The following SNX24 variants were observed in gnomAD, a reference collection of about 807,000 sequenced individuals.
SNX24 encodes the protein sorting nexin 24, also known as sorting nexin-24.
Under a neutral mutation model 28.7 loss-of-function variants are expected in SNX24, and 22 were observed. The observed-to-expected ratio is 0.77, with a 90% CI of 0.55 to 1.10. SNX24 has a LOEUF of 1.10. Ranked by LOEUF, SNX24 falls within the 50% of genes least tolerant of loss-of-function variation. The probability of loss-of-function intolerance (pLI) is 0.00; values close to 1 mark genes in which losing one functional copy is unlikely to be tolerated. For missense variants in SNX24, 221 were observed against 201.1 expected (o/e 1.10, Z -0.60); for synonymous variants, 69 against 71.5 (o/e 0.96, Z 0.18).
At chr5:122,848,353 C>G (rs1466293727) in intron 1 of SNX24, among the ~76,000 whole-genome samples, 1 of 152,268 alleles carries the variant, frequency 6.6e-6, no homozygotes, top group South Asian at 2.1e-4. Context: ...ACCTTGACCT[C>G]CCAAAGTGCT....
At chr5:122,878,411 G>C (rs1288980483) in intron 1 of SNX24, among the ~76,000 whole-genome samples, 1 of 152,162 alleles carries the variant, frequency 6.6e-6, no homozygotes, top group Non-Finnish European at 1.5e-5. Flanking sequence ...CCTGCCAGAT[G>C]CTTTGACTAT....
intron 1 of SNX24, among the ~76,000 whole-genome samples, chr5:122,865,308 T>C (rs2150046612): frequency 6.7e-6 from 1 of 148,854 alleles, no homozygotes; most frequent in East Asian, 2.0e-4. Flanking sequence ...GATTTGTTTG[T>C]TTGCTTGCTT....
intron 5 of SNX24, chr5:123,022,471 GT>G (rs35906519): frequency 0.038 from 5,452 of 142,898 alleles, 120 homozygotes; most frequent in East Asian, 0.056. Context: ...TTTCCCATTA[GT>G]TTTTTTTTTT....
chr5:122,982,469 A>G (rs1377642806), intron 3 of SNX24, among the ~76,000 whole-genome samples: 2 of 152,268 alleles, frequency 1.3e-5, no homozygotes, highest in Non-Finnish European at 2.9e-5. Flanking sequence ...ACTGATATAA[A>G]AAGCATTTTT....
chr5:122,969,365 AAC>A (rs1296648802), intron 3 of SNX24, among the ~76,000 whole-genome samples: 1 of 152,190 alleles, frequency 6.6e-6, no homozygotes, highest in Non-Finnish European at 1.5e-5. Flanking sequence ...AAGAAAGTCT[AAC>A]ACTTTCTAAA....
intron 3 of SNX24, among the ~76,000 whole-genome samples, chr5:122,970,359 G>T (rs1760906343): frequency 1.3e-5 from 2 of 151,900 alleles, no homozygotes; most frequent in Admixed American, 1.3e-4. Context: ...TGCTTGTGGG[G>T]TATATATCTC....
At chr5:122,868,271 A>G (rs956755336) in intron 1 of SNX24, among the ~76,000 whole-genome samples, 7 of 152,052 alleles carry the variant, frequency 4.6e-5, no homozygotes, top group Non-Finnish European at 8.8e-5. Context: ...TTTCCATTTG[A>G]TGATGGAGTG....
chr5:122,925,127 C>A (rs1183076499), intron 1 of SNX24, among the ~76,000 whole-genome samples: 1 of 135,006 alleles, frequency 7.4e-6, no homozygotes, highest in Non-Finnish European at 1.6e-5. Flanking sequence ...CTTTCCTCCC[C>A]CTTCTCCATT....
chr5:122,994,627 C>T (rs1761985989), intron 3 of SNX24, among the ~76,000 whole-genome samples: 1 of 152,124 alleles, frequency 6.6e-6, no homozygotes, highest in Admixed American at 6.5e-5. Context: ...TGTACCTTTT[C>T]AATAAAAAGA....
At position 122,856,943 on chromosome 5, in the gene SNX24, T is replaced by C. The variant is rs909085604; in HGVS notation, c.60+11250T>C. On this transcript the variant is annotated intron_variant, in intron 1 of 6. Transcript: ENST00000261369. ...TCTCCTCAGTATCTTTCCTTCATGG[T>C]TGACTTTTTAATAATAGCCATTCTG... 7.2e-5 allele frequency among the ~76,000 whole-genome samples: 11 copies of C among 152,196 alleles called. No individual in the cohort carries two copies. The East Asian group carries it at 7.7e-4, about 11-fold the overall frequency.
chr5:122,990,232 G>A (rs1166802098), intron 3 of SNX24, among the ~76,000 whole-genome samples: 1 of 152,152 alleles, frequency 6.6e-6, no homozygotes, highest in Non-Finnish European at 1.5e-5. Flanking sequence ...GCACTTTGAA[G>A]TTTGCTCATT....
chr5:122,874,488 T>A (rs1756135917), intron 1 of SNX24, among the ~76,000 whole-genome samples: 1 of 152,220 alleles, frequency 6.6e-6, no homozygotes, highest in South Asian at 2.1e-4. Flanking sequence ...TTGTCTAACA[T>A]ATTGGCTAAC....
chr5:122,859,220 T>G (rs1755341403), intron 1 of SNX24, among the ~76,000 whole-genome samples: 1 of 152,210 alleles, frequency 6.6e-6, no homozygotes, highest in Non-Finnish European at 1.5e-5. Context: ...GCTCATGCCT[T>G]CAGTCTCGGG....
At chr5:122,892,859 C>T (rs1757032923) in intron 1 of SNX24, among the ~76,000 whole-genome samples, 1 of 151,904 alleles carries the variant, frequency 6.6e-6, no homozygotes, top group East Asian at 1.9e-4. Flanking sequence ...AGCTCTGCCT[C>T]CCAGGTTCAA....
intron 1 of SNX24, among the ~76,000 whole-genome samples, chr5:122,922,442 G>A (rs865971573): frequency 6.6e-6 from 1 of 151,886 alleles, no homozygotes; most frequent in African/African-American, 2.4e-5. Flanking sequence ...TAGTATAGAC[G>A]GGGTTTCACC....
rs180977508 is a variant in SNX24, at chr5:123,024,082, C to G, written n.384-5156C>G. 3.2e-3 allele frequency: 4,845 copies of G among 1,499,280 alleles called. 16 individuals are homozygous for G. The highest frequency in any genetic ancestry group is 3.9e-3 in the Non-Finnish European group (4,347 of 1,114,804). 92.9% of individuals were successfully genotyped at this position (1,499,280 alleles called of 1,614,324 possible). ...TCCAAAGGTTAAACCAAAGCCAACT[C>G]CAAAAGCCCAAGTGGGAAGGAAATA... On this transcript the variant is annotated intron_variant and non_coding_transcript_variant, in intron 5 of 5. Coordinates refer to the SNX24 transcript ENST00000502387.
In SNX24 at chr5:122,938,307, TG is replaced by T. The variant is rs59810017; in HGVS notation, c.144+1492del. Among the ~76,000 whole-genome samples the T allele has an allele frequency of 3.3e-3, 507 of 152,294 alleles. 3 individuals are homozygous for T. The highest frequency in any genetic ancestry group is 0.011 in the African/African-American group (460 of 41,558). On this transcript the variant is annotated intron_variant, in intron 2 of 6. Coordinates refer to ENST00000261369, the MANE Select transcript of SNX24 (RefSeq NM_014035.4). Reference sequence around the variant, plus strand: ...AGTTTGGACAGTTCTTAGCTATTCATGGTCAAAAAAAATCCTAGATTTTCCA... The same window carrying T: ...AGTTTGGACAGTTCTTAGCTATTCATGTCAAAAAAAATCCTAGATTTTCCA...
chr5:122,922,739 T>TC (rs768279393), intron 1 of SNX24, among the ~76,000 whole-genome samples: 1 of 152,158 alleles, frequency 6.6e-6, no homozygotes, highest in Non-Finnish European at 1.5e-5. Context: ...GGCTTTATTC[T>TC]CCCCCTTCCC....
In SNX24 at chr5:123,007,967, G is replaced by A; in HGVS notation, c.*218G>A. 2.4e-6 allele frequency: 3 copies of A among 1,264,832 alleles called. No homozygotes were observed. The highest frequency in any genetic ancestry group is 3.8e-5 in the South Asian group (2 of 52,680). 78.4% of individuals were successfully genotyped at this position (1,264,832 alleles called of 1,614,324 possible). A position where few individuals can be genotyped will look rare whatever the true frequency, so the allele number is the denominator to read the frequency against. Reference sequence around the variant, plus strand: ...GGCGGTGGTCAGGCTAAGGCCAAGTGTTTAAGAAGTAGAGTGTAGCTGCCA... The same window carrying A: ...GGCGGTGGTCAGGCTAAGGCCAAGTATTTAAGAAGTAGAGTGTAGCTGCCA... On this transcript the variant is annotated 3_prime_UTR_variant, in exon 7 of 7. Coordinates refer to ENST00000261369, the MANE Select transcript of SNX24 (RefSeq NM_014035.4).
Sources: gnomAD v4.1 joint callset for allele counts (sites outside exome capture counted in the v4.1 genomes callset) on GRCh38, gnomAD v4.1.1 for gene constraint, MANE v1.5 for transcripts, NCBI Gene and HGNC (gene_info 2026-07-23, HGNC 2026-07-21) for gene names.